The following PDS5B variants were observed in gnomAD, a reference collection of about 807,000 sequenced individuals.
The protein encoded by PDS5B is sister chromatid cohesion protein PDS5 homolog B.
Under a neutral mutation model 184.1 loss-of-function variants are expected in PDS5B, and 51 were observed. The ratio of observed to expected loss-of-function variants is 0.28; its 90% CI spans 0.22 to 0.35. The LOEUF is 0.35. Ranked by LOEUF, PDS5B falls within the 10% of genes least tolerant of loss-of-function variation. PDS5B has a pLI of 1.00. For missense variants in PDS5B, 1,180 were observed against 1,723.3 expected (o/e 0.68, Z 5.58); for synonymous variants, 566 against 569.2 (o/e 0.99, Z 0.08).
At chr13:32,615,265 T>G (rs142236665) in intron 1 of PDS5B, among the ~76,000 whole-genome samples, 191 of 152,322 alleles carry the variant, frequency 1.3e-3, no homozygotes, top group African/African-American at 4.3e-3. Context: ...TTGCATGTAG[T>G]AGAGTAAGCA....
chr13:32,770,421 A>G lies in PDS5B; in HGVS notation c.3925A>G (p.Lys1309Glu). 6.2e-7 allele frequency: 1 copy of G among 1,613,624 alleles called. No individual in the cohort carries two copies. Among genetic ancestry groups the G allele is most frequent in the Non-Finnish European group, 8.5e-7 (1 of 1,179,932 alleles). The change falls in exon 32 of 35, where the codon AAA becomes GAA. Residue 1309 changes from lysine (K) to glutamate (E), a missense_variant. Lys to Glu is a moderately conservative substitution (Grantham distance 56). Transcript: ENST00000315596. ...TACACCAAAAGAAGAGCCAACAATG[A>G]AAACTTCTAAAAAAGGAAGCAAAAA... ...GGTPKEEPTMKTSKKGSKKKS... is the reference protein window; with the variant it reads ...GGTPKEEPTMETSKKGSKKKS...
intron 2 of PDS5B, chr13:32,650,365 TC>T (rs1950338949): frequency 6.6e-6 from 1 of 152,186 alleles, no homozygotes. Flanking sequence ...ATTTTTAGCA[TC>T]CTCCTTCTTA....
At chr13:32,610,338 A>G (rs374703465) in intron 1 of PDS5B, among the ~76,000 whole-genome samples, 2 of 152,230 alleles carry the variant, frequency 1.3e-5, no homozygotes, top group East Asian at 1.9e-4. Context: ...AATTCTAATG[A>G]TATTCTCTGA....
intron 5 of PDS5B, among the ~76,000 whole-genome samples, chr13:32,658,922 A>G (rs747563142): frequency 2.4e-4 from 33 of 138,674 alleles, no homozygotes; most frequent in Non-Finnish European, 4.1e-4. Flanking sequence ...ATTACTTTTG[A>G]TTGTGAGACT....
At chr13:32,710,145 G>C (rs760168038) in intron 19 of PDS5B, 39 bp downstream of exon 19, 1 of 1,302,334 alleles carries the variant, frequency 7.7e-7, no homozygotes, top group Non-Finnish European at 1.0e-6. Context: ...CTGGACATCA[G>C]AAACATAATT....
At position 32,667,760 on chromosome 13, in the gene PDS5B, T is replaced by C; in HGVS notation, c.625-4T>C. 6.4e-7 allele frequency: 1 copy of C among 1,569,384 alleles called. No individual in the cohort carries two copies. The highest frequency in any genetic ancestry group is 8.7e-7 in the Non-Finnish European group (1 of 1,152,820). ...ATAATATAGATATTGTTTATGTTTT[T>C]CAGAATTTAAACAAGCAAGCATATG... is the stretch of plus-strand genomic sequence containing the variant. On this transcript the variant is annotated splice_region_variant and splice_polypyrimidine_tract_variant and intron_variant, in intron 6 of 34. Coordinates refer to ENST00000315596, the MANE Select transcript of PDS5B (RefSeq NM_015032.4).
At chr13:32,705,960 C>G (rs1482107322) in intron 17 of PDS5B, among the ~76,000 whole-genome samples, 1 of 151,998 alleles carries the variant, frequency 6.6e-6, no homozygotes, top group Non-Finnish European at 1.5e-5. Flanking sequence ...AGCCACTGTG[C>G]CTGGGTACAG....
At chr13:32,614,953 G>A (rs748769184) in intron 1 of PDS5B, among the ~76,000 whole-genome samples, 1 of 152,246 alleles carries the variant, frequency 6.6e-6, no homozygotes, top group Non-Finnish European at 1.5e-5. Context: ...TGTCCCTTTT[G>A]TAACTTTTTC....
chr13:32,622,989 G>A (rs570142591), intron 1 of PDS5B, among the ~76,000 whole-genome samples: 1 of 152,264 alleles, frequency 6.6e-6, no homozygotes, highest in East Asian at 1.9e-4. Context: ...TGGAGACTAG[G>A]GTTTTTAAGG....
chr13:32,638,982 G>C (rs1359460391), intron 1 of PDS5B, among the ~76,000 whole-genome samples: 1 of 151,982 alleles, frequency 6.6e-6, no homozygotes, highest in Non-Finnish European at 1.5e-5. Context: ...GGGCGGCGTT[G>C]TACAAGAATG....
intron 1 of PDS5B, among the ~76,000 whole-genome samples, chr13:32,647,842 G>C (rs1340858820): frequency 2.6e-5 from 4 of 152,054 alleles, no homozygotes; most frequent in South Asian, 2.1e-4. Flanking sequence ...ATAGTTGCTT[G>C]GTTATTTTTG....
rs1052253711 is a variant in PDS5B, at chr13:32,775,492, G to GA, written c.*448dup. The stretch of plus-strand genomic sequence containing the variant: ...TTTGTATTCTCTGCAATTTTACTGT[G>GA]AAAAAAAATTTGTTTTCAACAATTG... On this transcript the variant is annotated 3_prime_UTR_variant, in exon 35 of 35. Transcript: ENST00000315596. 6 of 349,702 alleles carry GA rather than the reference G, an allele frequency of 1.7e-5. No individual in the cohort carries two copies. Among genetic ancestry groups the GA allele is most frequent in the South Asian group, 8.8e-5 (4 of 45,320 alleles). 21.7% of individuals were successfully genotyped at this position (349,702 alleles called of 1,614,324 possible).
rs1954306551 is a variant in PDS5B at position 32,759,670 on chromosome 13, T to C, written c.3352T>C (p.Ser1118Pro). Residue 1118 changes from serine (S) to proline (P), a missense_variant, in exon 29 of 35, where the codon TCA becomes CCA. Ser to Pro is a moderately conservative substitution (Grantham distance 74). Coordinates refer to ENST00000315596, the MANE Select transcript of PDS5B (RefSeq NM_015032.4). ...TKNYLPPEMKSFFTPGKPKTT... is the reference protein window; with the variant it reads ...TKNYLPPEMKPFFTPGKPKTT... ...AAATTATCTGCCTCCTGAAATGAAA[T>C]CATTTTTCACTCCTGGAAAAGTATG... The C allele has an allele frequency of 1.3e-6, 2 of 1,565,398 alleles. No homozygotes were observed. Among genetic ancestry groups the C allele is most frequent in the South Asian group, 1.2e-5 (1 of 84,826 alleles).
intron 21 of PDS5B, among the ~76,000 whole-genome samples, chr13:32,738,741 G>A (rs758404562): frequency 9.2e-5 from 14 of 151,698 alleles, no homozygotes; most frequent in Admixed American, 8.6e-4. Context: ...GCGCCATCTC[G>A]GCTCCCTGCA....
intron 3 of PDS5B, among the ~76,000 whole-genome samples, chr13:32,653,722 C>G (rs1950427413): frequency 6.6e-6 from 1 of 152,024 alleles, no homozygotes; most frequent in Non-Finnish European, 1.5e-5. Flanking sequence ...AGTTGTATAC[C>G]CAGGTACTAG....
chr13:32,667,952 T>A, intron 7 of PDS5B, 108 bp downstream of exon 7: 1 of 530,180 alleles, frequency 1.9e-6, no homozygotes, highest in African/African-American at 2.0e-5. Context: ...ACAACAAATT[T>A]GTGTTGTTTT....
chr13:32,733,127 T>G (rs1263196675), intron 20 of PDS5B, among the ~76,000 whole-genome samples: 2 of 152,196 alleles, frequency 1.3e-5, no homozygotes, highest in Non-Finnish European at 2.9e-5. Context: ...TAAATTGATG[T>G]TAATTTATAG....
At chr13:32,663,381 A>G (rs1950702062) in intron 6 of PDS5B, among the ~76,000 whole-genome samples, 1 of 152,106 alleles carries the variant, frequency 6.6e-6, no homozygotes, top group South Asian at 2.1e-4. Context: ...AATTTCCAGA[A>G]TGATTTAAAA....
At chr13:32,611,145 A>G (rs1205554570) in intron 1 of PDS5B, among the ~76,000 whole-genome samples, 2 of 151,914 alleles carry the variant, frequency 1.3e-5, no homozygotes, top group Non-Finnish European at 2.9e-5. Context: ...TTGTTTTTCA[A>G]CCTCCTTTCT....
Sources: gnomAD v4.1 joint callset for allele counts (sites outside exome capture counted in the v4.1 genomes callset) on GRCh38, gnomAD v4.1.1 for gene constraint, MANE v1.5 for transcripts, NCBI Gene and HGNC (gene_info 2026-07-23, HGNC 2026-07-21) for gene names.